The following CALN1 variants were observed in gnomAD, a reference collection of about 807,000 sequenced individuals.
CALN1 encodes the protein calneuron 1, also known as calcium-binding protein 8.
Under a neutral mutation model 30.6 loss-of-function variants are expected in CALN1, and 17 were observed. That is an observed-to-expected ratio of 0.56 (90% CI 0.38 to 0.83). CALN1 has a LOEUF of 0.83. Ranked by LOEUF, CALN1 falls within the 40% of genes least tolerant of loss-of-function variation. The pLI is 0.00. For missense variants in CALN1, 291 were observed against 354.9 expected, an observed-to-expected ratio of 0.82 and a Z score of 1.45; for synonymous variants, 156 against 131.4, an observed-to-expected ratio of 1.19 and a Z score of -1.28.
At chr7:72,002,871 T>A (rs950008357) in intron 5 of CALN1, among the ~76,000 whole-genome samples, 1 of 152,050 alleles carries the variant, frequency 6.6e-6, no homozygotes, top group African/African-American at 2.4e-5. Flanking sequence ...AAACAGAGAA[T>A]AAAATTACAG....
chr7:72,401,043 G>C (rs1806302837), intron 2 of CALN1, among the ~76,000 whole-genome samples: 1 of 152,150 alleles, frequency 6.6e-6, no homozygotes, highest in South Asian at 2.1e-4. Context: ...CATGCTTTGG[G>C]GTGAGAGGAG....
chr7:72,368,729 G>C (rs373471093), intron 2 of CALN1, among the ~76,000 whole-genome samples: 1 of 151,014 alleles, frequency 6.6e-6, no homozygotes, highest in East Asian at 1.9e-4. Context: ...AGTGAAAAAT[G>C]ACACTTCAAC....
At chr7:72,317,647 G>C (rs946710884) in intron 2 of CALN1, among the ~76,000 whole-genome samples, 1 of 152,204 alleles carries the variant, frequency 6.6e-6, no homozygotes, top group Non-Finnish European at 1.5e-5. Context: ...CACCTGGACA[G>C]ACCTGGCCTA....
the CALN1 span, among the ~76,000 whole-genome samples, chr7:72,474,017 G>T: frequency 6.6e-6 from 1 of 150,588 alleles, no homozygotes; most frequent in East Asian, 1.9e-4. Context: ...TGAAAAAAAA[G>T]ATTGTTAGAA....
chr7:71,804,859 G>A (rs1787514385), intron 6 of CALN1, among the ~76,000 whole-genome samples: 1 of 152,190 alleles, frequency 6.6e-6, no homozygotes, highest in Admixed American at 6.5e-5. Flanking sequence ...CTACTCAGAA[G>A]GCCGAGGCAG....
chr7:71,951,582 C>G (rs1796694046), intron 5 of CALN1, among the ~76,000 whole-genome samples: 1 of 152,190 alleles, frequency 6.6e-6, no homozygotes, highest in South Asian at 2.1e-4. Context: ...CAGAGCAGTA[C>G]TCCATCTCAA....
chr7:72,357,177 G>T (rs528491005), intron 2 of CALN1, among the ~76,000 whole-genome samples: 1 of 151,920 alleles, frequency 6.6e-6, no homozygotes, highest in Non-Finnish European at 1.5e-5. Context: ...AATACAACTT[G>T]AACCAAAATG....
chr7:72,232,196 GC>G (rs1415472716), intron 3 of CALN1, among the ~76,000 whole-genome samples: 1 of 152,174 alleles, frequency 6.6e-6, no homozygotes, highest in Non-Finnish European at 1.5e-5. Context: ...ATCAGCTCCG[GC>G]AAGGGGTTTA....
At chr7:71,838,838 G>T (rs1209082312) in intron 5 of CALN1, among the ~76,000 whole-genome samples, 1 of 152,086 alleles carries the variant, frequency 6.6e-6, no homozygotes, top group African/African-American at 2.4e-5. Flanking sequence ...TTCTCCTTCT[G>T]CCATGATTGT....
At chr7:71,894,014 G>T (rs749591474) in intron 5 of CALN1, among the ~76,000 whole-genome samples, 19 of 151,908 alleles carry the variant, frequency 1.3e-4, no homozygotes, top group Non-Finnish European at 2.5e-4. Flanking sequence ...AGCTTGGCAA[G>T]ACTCGTTTTT....
chr7:72,443,568 C>T (rs1346953211), intron 1 of CALN1, among the ~76,000 whole-genome samples: 1 of 152,034 alleles, frequency 6.6e-6, no homozygotes, highest in African/African-American at 2.4e-5. Context: ...ATTTCTTCAG[C>T]CTAGGATGAT....
intron 5 of CALN1, among the ~76,000 whole-genome samples, chr7:71,995,775 A>C (rs1223762793): frequency 6.6e-6 from 1 of 151,774 alleles, no homozygotes; most frequent in African/African-American, 2.4e-5. Context: ...CCACCAAAAC[A>C]AACAGCCTGA....
chr7:71,978,262 C>CTTTTTTTTTTTTTTTTTTG (rs1798201485), intron 5 of CALN1, among the ~76,000 whole-genome samples: 1 of 72,950 alleles, frequency 1.4e-5, no homozygotes, highest in African/African-American at 5.7e-5. Flanking sequence ...CTAGAGAATT[C>CTTTTTTTTTTTTTTTTTTG]TTTTTTTTTT....
chr7:72,066,299 G>A (rs370811831), intron 4 of CALN1, among the ~76,000 whole-genome samples: 90 of 152,266 alleles, frequency 5.9e-4, no homozygotes, highest in African/African-American at 2.1e-3. Context: ...CAGAGCCCTG[G>A]GGCACGTTAC....
intron 4 of CALN1, among the ~76,000 whole-genome samples, chr7:72,073,625 TTC>T (rs763442144): frequency 1.3e-5 from 2 of 151,600 alleles, no homozygotes; most frequent in African/African-American, 2.4e-5. Flanking sequence ...CTTTCTTTCT[TTC>T]TCTCTGTCTT....
intron 5 of CALN1, among the ~76,000 whole-genome samples, chr7:71,939,933 T>C (rs1435861591): frequency 6.6e-6 from 1 of 152,176 alleles, no homozygotes; most frequent in African/African-American, 2.4e-5. Flanking sequence ...TCAACTCCAA[T>C]GGACAGAGGA....
At chr7:71,847,580 G>A (rs894023146) in intron 5 of CALN1, among the ~76,000 whole-genome samples, 1 of 151,850 alleles carries the variant, frequency 6.6e-6, no homozygotes, top group African/African-American at 2.4e-5. Flanking sequence ...TACTCAGGAG[G>A]CTGAGGCAGA....
At chr7:72,053,258 C>T (rs1802955746) in intron 4 of CALN1, among the ~76,000 whole-genome samples, 1 of 152,106 alleles carries the variant, frequency 6.6e-6, no homozygotes, top group African/African-American at 2.4e-5. Flanking sequence ...GGAATATGTG[C>T]TCCCAAAGAG....
intron 3 of CALN1, among the ~76,000 whole-genome samples, chr7:72,123,396 C>T (rs1360031280): frequency 2.0e-5 from 3 of 152,144 alleles, no homozygotes; most frequent in East Asian, 3.8e-4. Context: ...AACAAGAACT[C>T]CTCTTCTGTT....
Sources: gnomAD v4.1 joint callset for allele counts (sites outside exome capture counted in the v4.1 genomes callset) on GRCh38, gnomAD v4.1.1 for gene constraint, MANE v1.5 for transcripts, NCBI Gene and HGNC (gene_info 2026-07-23, HGNC 2026-07-21) for gene names.